The following MYO3A variants were observed in gnomAD, a reference collection of about 807,000 sequenced individuals.
The protein encoded by MYO3A is myosin-IIIa.
MYO3A carries 180 observed loss-of-function variants against 192.7 expected under a neutral mutation model. The ratio of observed to expected loss-of-function variants is 0.93; its 90% CI spans 0.83 to 1.06. The LOEUF (loss-of-function observed/expected upper bound fraction) is 1.06, where lower values mean the gene tolerates loss of function less well. MYO3A is among the 50% of genes least tolerant of loss of function. The probability of loss-of-function intolerance (pLI) is 0.00; values close to 1 mark genes in which losing one functional copy is unlikely to be tolerated. For missense variants in MYO3A, 1,896 were observed against 1,905.0 expected (o/e 1.00, Z 0.09); for synonymous variants, 628 against 645.3 (o/e 0.97, Z 0.41).
intron 17 of MYO3A, among the ~76,000 whole-genome samples, chr10:26,102,908 A>G (rs535723764): frequency 6.6e-6 from 1 of 152,266 alleles, no homozygotes; most frequent in African/African-American, 2.4e-5. Flanking sequence ...TGCTGGGAGA[A>G]CCACTACTCT....
chr10:26,052,858 T>A (rs1045535866), intron 10 of MYO3A, among the ~76,000 whole-genome samples: 3 of 151,892 alleles, frequency 2.0e-5, no homozygotes, highest in African/African-American at 7.3e-5. Flanking sequence ...AGAGCAGAAA[T>A]ACAAATAAAG....
intron 23 of MYO3A, among the ~76,000 whole-genome samples, chr10:26,148,226 CA>C (rs1483454473): frequency 3.9e-5 from 6 of 152,258 alleles, no homozygotes; most frequent in African/African-American, 1.4e-4. Flanking sequence ...TCCTTCCCTC[CA>C]AACCTCTCTG....
In MYO3A at chr10:26,174,306, A is replaced by G; in HGVS notation, c.4042A>G (p.Lys1348Glu). 7 of 1,614,060 alleles carry G rather than the reference A, an allele frequency of 4.3e-6. No homozygotes were observed. The highest frequency in any genetic ancestry group is 5.9e-6 in the Non-Finnish European group (7 of 1,179,946). ...GACACAGGCCCAGGAGGAAGAAGAT[A>G]AAGCAGCGGTATTCATTCAGAGCAA... ...PVTQAQEEED[K>E]AAVFIQSKYR... Residue 1348 changes from lysine (K) to glutamate (E), a missense_variant, in exon 30 of 35, where the codon AAA becomes GAA. Lys to Glu is a moderately conservative substitution (Grantham distance 56). Coordinates refer to ENST00000642920, the MANE Select transcript of MYO3A (RefSeq NM_017433.5).
chr10:25,942,125 C>G (rs889524126), intron 2 of MYO3A, among the ~76,000 whole-genome samples: 4 of 151,942 alleles, frequency 2.6e-5, no homozygotes, highest in Admixed American at 2.0e-4. Context: ...CCTCAGCCTC[C>G]CAAGTACCTG....
chr10:26,202,825 A>G, intron 33 of MYO3A, 139 bp from the exon 34 acceptor site: 1 of 967,928 alleles, frequency 1.0e-6, no homozygotes, highest in Non-Finnish European at 1.5e-6. Flanking sequence ...CCCACATTTC[A>G]AGACCTTCCA....
At chr10:26,208,645 T>A (rs1231352633) in intron 34 of MYO3A, among the ~76,000 whole-genome samples, 1 of 152,254 alleles carries the variant, frequency 6.6e-6, no homozygotes, top group African/African-American at 2.4e-5. Flanking sequence ...GAGGATGATC[T>A]GCTCCTTCAA....
At chr10:26,141,291 C>T (rs1212568098) in intron 20 of MYO3A, among the ~76,000 whole-genome samples, 1 of 152,168 alleles carries the variant, frequency 6.6e-6, no homozygotes, top group African/African-American at 2.4e-5. Flanking sequence ...AGCTTTCTTT[C>T]TCCATATGCT....
chr10:26,068,907 T>G (rs1303814534), intron 12 of MYO3A, 23 bp downstream of exon 12: 1 of 1,376,544 alleles, frequency 7.3e-7, no homozygotes, highest in Admixed American at 1.7e-5. Flanking sequence ...GGGTGCATTC[T>G]GTTACTTCAT....
Position 25,952,272 on chromosome 10 carries a change from A to T in MYO3A, c.162A>T (p.Pro54=), listed in dbSNP as rs1430857386. Residue 54 remains proline, a synonymous_variant, in exon 3 of 35, where the codon CCA becomes CCT. Transcript: ENST00000642920. ...AAGCAGCAGTCAAAATTCTTGATCC[A>T]ATTCACGTAAGTCATATTTTTTCCT... ...GQKAAVKILD[P]IHDIDEEIEA... The T allele has an allele frequency of 6.2e-7, 1 of 1,612,086 alleles. No individual in the cohort carries two copies. The highest frequency in any genetic ancestry group is 1.3e-5 in the African/African-American group (1 of 74,844).
rs533965689 is a variant in MYO3A at position 26,135,555 on chromosome 10, C to A, written c.2262+7017C>A. 7.9e-5 allele frequency among the ~76,000 whole-genome samples: 12 copies of A among 152,046 alleles called. No homozygotes were observed. The South Asian group carries it at 8.3e-4, about 11-fold the overall frequency. ...GGTTGTGACAGCTGGAGACCCCTCA[C>A]AGGAAGGAACTAGAACTAGAAGGTG... On this transcript the variant is annotated intron_variant, in intron 20 of 34. Coordinates refer to ENST00000642920, the MANE Select transcript of MYO3A (RefSeq NM_017433.5).
At chr10:25,991,078 G>A (rs1320807729) in intron 4 of MYO3A, among the ~76,000 whole-genome samples, 1 of 152,156 alleles carries the variant, frequency 6.6e-6, no homozygotes, top group Non-Finnish European at 1.5e-5. Flanking sequence ...GATCCCTGAG[G>A]AATCACCACA....
intron 17 of MYO3A, among the ~76,000 whole-genome samples, chr10:26,101,247 T>C (rs1412097688): frequency 6.6e-6 from 1 of 152,186 alleles, no homozygotes; most frequent in East Asian, 1.9e-4. Flanking sequence ...TCCATTTGCT[T>C]GGTGGATCTT....
At chr10:25,985,939 T>C (rs1205822601) in intron 4 of MYO3A, among the ~76,000 whole-genome samples, 3 of 152,108 alleles carry the variant, frequency 2.0e-5, no homozygotes, top group Admixed American at 1.3e-4. Context: ...CTGATGCACA[T>C]AGATGCAAAA....
Position 26,193,200 on chromosome 10 carries a change from T to G in MYO3A, c.4439-5T>G, listed in dbSNP as rs756449319. The G allele has an allele frequency of 1.4e-5, 23 of 1,597,718 alleles. No individual in the cohort carries two copies. The highest frequency in any genetic ancestry group is 2.0e-5 in the Non-Finnish European group (23 of 1,165,178). ...AATACTTGTTTATGATCACCTTTCTTATAGGTGTCTGTAAAGGAGAGGAGC... is the reference window on the plus strand; with the variant it reads ...AATACTTGTTTATGATCACCTTTCTGATAGGTGTCTGTAAAGGAGAGGAGC... On this transcript the variant is annotated splice_region_variant and splice_polypyrimidine_tract_variant and intron_variant, in intron 31 of 34. Transcript: ENST00000642920.
intron 23 of MYO3A, among the ~76,000 whole-genome samples, chr10:26,150,977 G>A (rs1040303963): frequency 6.6e-6 from 1 of 152,006 alleles, no homozygotes. Context: ...TCCAAATATG[G>A]TGAGATTTTT....
intron 20 of MYO3A, among the ~76,000 whole-genome samples, chr10:26,132,007 C>T (rs1021678585): frequency 2.0e-5 from 3 of 152,190 alleles, no homozygotes; most frequent in Admixed American, 1.3e-4. Flanking sequence ...CTATTACATT[C>T]GTACACCATT....
At chr10:26,044,988 C>T (rs1843556745) in intron 10 of MYO3A, among the ~76,000 whole-genome samples, 1 of 152,206 alleles carries the variant, frequency 6.6e-6, no homozygotes, top group Non-Finnish European at 1.5e-5. Context: ...AGTGTATCCA[C>T]CCAGAGCCTC....
In MYO3A at chr10:26,061,226, G is replaced by A. The variant is rs144733639; in HGVS notation, c.954-5749G>A. 6.3e-3 allele frequency among the ~76,000 whole-genome samples: 959 copies of A among 152,280 alleles called. 11 individuals are homozygous for A. The highest frequency in any genetic ancestry group is 0.022 in the African/African-American group (897 of 41,548). Reference sequence around the variant, plus strand: ...TTACAGGTGTGAGCCACCACGCCCGGCCGACACCTTGTTTTTTGCAGCTTT... The same window carrying A: ...TTACAGGTGTGAGCCACCACGCCCGACCGACACCTTGTTTTTTGCAGCTTT... On this transcript the variant is annotated intron_variant, in intron 10 of 34. Transcript: ENST00000642920.
intron 8 of MYO3A, 56 bp downstream of exon 8, chr10:26,021,704 A>G: frequency 6.3e-7 from 1 of 1,599,436 alleles, no homozygotes. Flanking sequence ...TCCTCCAGCC[A>G]CCAAGTGTTC....
Sources: allele counts gnomAD v4.1 joint callset (sites outside exome capture counted in the v4.1 genomes callset), GRCh38; gene constraint gnomAD v4.1.1; transcripts MANE v1.5; gene names NCBI Gene and HGNC (gene_info 2026-07-23, HGNC 2026-07-21).